Variants in MRPL44 observed in about 807,000 individuals in gnomAD.
MRPL44 encodes the protein large ribosomal subunit protein mL44.
A neutral mutation model predicts 25.9 loss-of-function variants in MRPL44; 21 were observed. That is an observed-to-expected ratio of 0.81 (90% CI 0.58 to 1.17). MRPL44 has a LOEUF of 1.17. Ranked by LOEUF, MRPL44 falls within the 50% of genes most tolerant of loss-of-function variation. The pLI is 0.00. For synonymous variants in MRPL44, 169 were observed against 151.0 expected, an observed-to-expected ratio of 1.12 and a Z score of -0.87; for missense variants, 410 against 398.9, an observed-to-expected ratio of 1.03 and a Z score of -0.24.
chr2:223,953,633 G>A (rs1191648342), upstream of MRPL44, among the ~76,000 whole-genome samples: 2 of 152,148 alleles, frequency 1.3e-5, no homozygotes, highest in East Asian at 1.9e-4. Context: ...GACATGCTTC[G>A]TCTCCTTGGG....
In MRPL44 at chr2:223,957,468, G is replaced by A. The variant is rs199583883; in HGVS notation, c.-5G>A. 104 of 1,614,146 alleles carry A rather than the reference G, an allele frequency of 6.4e-5. No homozygotes were observed. Among genetic ancestry groups the A allele is most frequent in the East Asian group, 6.7e-5 (3 of 44,882 alleles). On this transcript the variant is annotated 5_prime_UTR_variant, in exon 1 of 4. It adds an upstream start codon to the 5' untranslated region. Coordinates refer to ENST00000258383, the MANE Select transcript of MRPL44 (RefSeq NM_022915.5). ...GTTCCGTCTTCCATCGTTTTCTCTC[G>A]TGCAATGGCGTCCGGGCTGGTAAGA...
the MRPL44 span, among the ~76,000 whole-genome samples, chr2:223,951,700 A>G: frequency 1.3e-5 from 2 of 152,122 alleles, no homozygotes; most frequent in African/African-American, 4.8e-5. Context: ...GCTGGTCTCG[A>G]ACTCCTGACC....
chr2:223,955,983 G>T (rs888316751), upstream of MRPL44, among the ~76,000 whole-genome samples: 2 of 152,094 alleles, frequency 1.3e-5, no homozygotes, highest in Admixed American at 1.3e-4. Context: ...TGCTCTCGTT[G>T]TTGTATGACT....
chr2:223,962,922 G>A (rs281372), intron 2 of MRPL44, among the ~76,000 whole-genome samples: 1 of 151,980 alleles, frequency 6.6e-6, no homozygotes, highest in Non-Finnish European at 1.5e-5. Context: ...GGCTACTCTC[G>A]AACTCCTGGC....
At chr2:223,955,612 G>A (rs10209883), upstream of MRPL44, among the ~76,000 whole-genome samples, 29,517 of 152,128 alleles carry the variant, frequency 0.19, 3,410 homozygotes, top group Non-Finnish European at 0.27. Context: ...GGGTTAAAGT[G>A]AACCCTCAAT....
intron 3 of MRPL44, among the ~76,000 whole-genome samples, chr2:223,966,383 G>A (rs1689741504): frequency 6.6e-6 from 1 of 152,014 alleles, no homozygotes; most frequent in South Asian, 2.1e-4. Context: ...CTTTTCCCAA[G>A]TTATATCACA....
chr2:223,954,177 C>T (rs181219734), upstream of MRPL44, among the ~76,000 whole-genome samples: 110 of 152,288 alleles, frequency 7.2e-4, no homozygotes, highest in Non-Finnish European at 1.2e-3. Flanking sequence ...TCATTCCTGA[C>T]GACTTTGTGC....
At chr2:223,952,818 C>T (rs1344824904), upstream of MRPL44, among the ~76,000 whole-genome samples, 1 of 152,186 alleles carries the variant, frequency 6.6e-6, no homozygotes, top group Non-Finnish European at 1.5e-5. Flanking sequence ...TTTCCTTTTA[C>T]TGTCCATAAA....
intron 2 of MRPL44, among the ~76,000 whole-genome samples, chr2:223,961,362 TG>T (rs1228672280): frequency 6.6e-6 from 1 of 152,230 alleles, no homozygotes; most frequent in Non-Finnish European, 1.5e-5. Flanking sequence ...ATATTGCGTT[TG>T]GCAAAGTGAT....
At chr2:223,966,101 T>G (rs570200913) in intron 3 of MRPL44, among the ~76,000 whole-genome samples, 12 of 152,248 alleles carry the variant, frequency 7.9e-5, no homozygotes, top group African/African-American at 2.9e-4. Context: ...GCGGGTGCGT[T>G]GGCGGGCACC....
chr2:223,957,112 A>G (rs1226277589), upstream of MRPL44, among the ~76,000 whole-genome samples: 1 of 152,272 alleles, frequency 6.6e-6, no homozygotes, highest in Non-Finnish European at 1.5e-5. Context: ...ATGTTTCCTT[A>G]ACCTGAAAGC....
At chr2:223,958,800 T>A (rs2106115934) in intron 1 of MRPL44, among the ~76,000 whole-genome samples, 1 of 152,354 alleles carries the variant, frequency 6.6e-6, no homozygotes, top group South Asian at 2.1e-4. Flanking sequence ...ACTTTTTTAG[T>A]TTCCCAGTGT....
chr2:223,957,740 C>G, intron 1 of MRPL44, 89 bp downstream of exon 1: 1 of 1,418,820 alleles, frequency 7.0e-7, no homozygotes, highest in Admixed American at 2.1e-5. Context: ...GCTGATGCGC[C>G]CCTGGGTTAA....
Position 223,957,478 on chromosome 2 carries a change from G to T in MRPL44, c.6G>T (p.Ala2=), listed in dbSNP as rs764338057. Residue 2 remains alanine (A), a synonymous_variant, in exon 1 of 4, where the codon GCG becomes GCT. Coordinates refer to ENST00000258383, the MANE Select transcript of MRPL44 (RefSeq NM_022915.5). M[A]SGLVRLLQQG... ...CCATCGTTTTCTCTCGTGCAATGGCGTCCGGGCTGGTAAGATTGCTGCAGC... is the reference window on the plus strand; with the variant it reads ...CCATCGTTTTCTCTCGTGCAATGGCTTCCGGGCTGGTAAGATTGCTGCAGC... The T allele has an allele frequency of 3.7e-6, 6 of 1,614,120 alleles. No homozygotes were observed. In the Admixed American group the frequency reaches 1.0e-4, roughly 27 times the overall value.
At chr2:223,962,553 T>G (rs2106118223) in intron 2 of MRPL44, among the ~76,000 whole-genome samples, 1 of 152,332 alleles carries the variant, frequency 6.6e-6, no homozygotes, top group Non-Finnish European at 1.5e-5. Flanking sequence ...CTTCCATAGT[T>G]TCTATACAAC....
intron 3 of MRPL44, 70 bp downstream of exon 3, chr2:223,964,004 TA>T (rs768640204): frequency 8.0e-7 from 1 of 1,243,852 alleles, no homozygotes; most frequent in Non-Finnish European, 1.1e-6. Flanking sequence ...CACAAAGCCT[TA>T]AAAACACTCT....
upstream of MRPL44, among the ~76,000 whole-genome samples, chr2:223,955,693 G>A (rs185901178): frequency 5.3e-4 from 80 of 152,188 alleles, 1 homozygote; most frequent in South Asian, 3.9e-3. Flanking sequence ...ATGAAAACTC[G>A]AAAGTTGTTG....
intron 1 of MRPL44, among the ~76,000 whole-genome samples, chr2:223,957,911 C>G (rs956607227): frequency 1.3e-5 from 2 of 152,152 alleles, no homozygotes; most frequent in Admixed American, 6.5e-5. Context: ...AGAAATGGGG[C>G]TAACTGGAGG....
rs977789966 is a variant in MRPL44, at chr2:223,964,695, T to C, written c.827+761T>C. Reference sequence around the variant, plus strand: ...TTATATACTGCTGGTAGGAAAAAAATGTACCATATTTCTGTGAATAATTTT... The same window carrying C: ...TTATATACTGCTGGTAGGAAAAAAACGTACCATATTTCTGTGAATAATTTT... On this transcript the variant is annotated intron_variant, in intron 3 of 3. Transcript: ENST00000258383. Among the ~76,000 whole-genome samples, 5 of 152,306 alleles carry C rather than the reference T, an allele frequency of 3.3e-5. No homozygotes were observed. The South Asian group carries it at 1.0e-3, about 32-fold the overall frequency.
Sources: gnomAD v4.1 joint callset for allele counts (sites outside exome capture counted in the v4.1 genomes callset) on GRCh38, gnomAD v4.1.1 for gene constraint, MANE v1.5 for transcripts, NCBI Gene and HGNC (gene_info 2026-07-23, HGNC 2026-07-21) for gene names.